The following NEDD1 variants were observed in gnomAD, a reference collection of about 807,000 sequenced individuals.
The protein encoded by NEDD1 is protein NEDD1.
NEDD1 carries 33 observed loss-of-function variants against 74.0 expected under a neutral mutation model. That is an observed-to-expected ratio of 0.45 (90% confidence interval 0.34 to 0.60). The LOEUF is 0.60. Among genes scored for constraint, NEDD1 ranks in the 20% least tolerant of loss-of-function variants. NEDD1 has a pLI of 0.01. For synonymous variants in NEDD1, 250 were observed against 264.4 expected (o/e 0.95, Z 0.53); for missense variants, 746 against 776.5 (o/e 0.96, Z 0.47).
chr12:96,945,243 C>G (rs980685437), intron 13 of NEDD1, among the ~76,000 whole-genome samples: 1 of 152,062 alleles, frequency 6.6e-6, no homozygotes, highest in Non-Finnish European at 1.5e-5. Flanking sequence ...ACAATCAACT[C>G]TCATATAAAT....
chr12:96,924,947 G>A (rs1875532630), intron 6 of NEDD1: 5 of 418,420 alleles, frequency 1.2e-5, no homozygotes, highest in South Asian at 8.9e-5. Context: ...TGTAAGGTTT[G>A]TTTTGTAGAT....
intron 9 of NEDD1, among the ~76,000 whole-genome samples, chr12:96,938,888 A>G (rs931374356): frequency 2.1e-4 from 32 of 152,102 alleles, no homozygotes; most frequent in Middle Eastern, 3.4e-3. Context: ...TAGTAGACTC[A>G]GTCTCAGATC....
At chr12:96,910,448 T>A (rs1408051889) in intron 3 of NEDD1, among the ~76,000 whole-genome samples, 1 of 152,194 alleles carries the variant, frequency 6.6e-6, no homozygotes, top group African/African-American at 2.4e-5. Flanking sequence ...ATAGTAAAGT[T>A]ACCTAGATTG....
At chr12:96,937,566 T>C (rs1877257096) in intron 9 of NEDD1, among the ~76,000 whole-genome samples, 173 bp downstream of exon 9, 1 of 152,160 alleles carries the variant, frequency 6.6e-6, no homozygotes, top group Admixed American at 6.6e-5. Context: ...ATAGTAACTT[T>C]GGCTATTAAT....
chr12:96,937,446 T>G, intron 9 of NEDD1, 53 bp downstream of exon 9: 3 of 1,093,338 alleles, frequency 2.7e-6, no homozygotes, highest in Non-Finnish European at 3.8e-6. Flanking sequence ...TTTTTGTTTT[T>G]TTGTTTTTGG....
At chr12:96,942,263 G>T (rs146012004) in intron 10 of NEDD1, among the ~76,000 whole-genome samples, 1 of 152,214 alleles carries the variant, frequency 6.6e-6, no homozygotes, top group Non-Finnish European at 1.5e-5. Flanking sequence ...AAGCTATTAA[G>T]TGGTATAGGC....
chr12:96,945,064 G>A (rs1878065016), intron 13 of NEDD1, among the ~76,000 whole-genome samples: 1 of 151,984 alleles, frequency 6.6e-6, no homozygotes, highest in Non-Finnish European at 1.5e-5. Flanking sequence ...GAATTATTAT[G>A]TAGGACCCTT....
chr12:96,931,339 ACTT>A (rs778624498), intron 6 of NEDD1, among the ~76,000 whole-genome samples: 8 of 152,192 alleles, frequency 5.3e-5, no homozygotes, highest in Non-Finnish European at 1.0e-4. Context: ...AAAATTTAAA[ACTT>A]CTGACAAAAA....
rs199729117 is a variant in NEDD1 at position 96,909,916 on chromosome 12, A to C, written c.136+21A>C. On this transcript the variant is annotated intron_variant, in intron 3 of 15. Transcript: ENST00000266742. Reference sequence around the variant, plus strand: ...CAATAGTATCCTTTAAAAAAAAAAAACACACACACACACACACAAACCGCT... The same window carrying C: ...CAATAGTATCCTTTAAAAAAAAAAACCACACACACACACACACAAACCGCT... The C allele has an allele frequency of 5.0e-3, 6,031 of 1,216,194 alleles. 8 individuals carry two copies. Among genetic ancestry groups the C allele is most frequent in the Admixed American group, 7.7e-3 (324 of 42,224 alleles). 75.3% of individuals were successfully genotyped at this position (1,216,194 alleles called of 1,614,324 possible).
Position 96,953,040 on chromosome 12 carries a change from A to G in NEDD1, c.*987A>G, listed in dbSNP as rs1018222452. 18 of 151,682 alleles carry G rather than the reference A, an allele frequency of 1.2e-4. No individual in the cohort carries two copies. Among genetic ancestry groups the G allele is most frequent in the East Asian group, 9.7e-4 (5 of 5,178 alleles). 9.4% of individuals were successfully genotyped at this position (151,682 alleles called of 1,614,324 possible). The stretch of plus-strand genomic sequence containing the variant: ...AAGTTATACCTCTTTGGCAATAGAT[A>G]GATGTATACATCTACCTACTATGAT... On this transcript the variant is annotated 3_prime_UTR_variant, in exon 16 of 16. Coordinates refer to ENST00000266742, the MANE Select transcript of NEDD1 (RefSeq NM_152905.4).
chr12:96,923,905 G>A (rs1025651398), intron 6 of NEDD1, among the ~76,000 whole-genome samples: 1 of 151,710 alleles, frequency 6.6e-6, no homozygotes, highest in African/African-American at 2.4e-5. Flanking sequence ...AGTCTCATAT[G>A]TCAGTCTTTT....
intron 7 of NEDD1, 93 bp downstream of exon 7, chr12:96,935,298 T>C (rs770163663): frequency 2.8e-4 from 205 of 737,256 alleles, no homozygotes; most frequent in Non-Finnish European, 4.5e-4. Context: ...CTCTGATTAG[T>C]GTCCAGGGGT....
chr12:96,951,892 C>G, intron 15 of NEDD1, 57 bp from the exon 16 acceptor site: 1 of 905,188 alleles, frequency 1.1e-6, no homozygotes, highest in Admixed American at 1.9e-5. Flanking sequence ...TTAAACATAG[C>G]CTGCCAAATA....
chr12:96,946,979 G>C (rs961203948), intron 14 of NEDD1, among the ~76,000 whole-genome samples: 3 of 152,024 alleles, frequency 2.0e-5, no homozygotes, highest in African/African-American at 7.3e-5. Context: ...CTTGATAGCC[G>C]CAATCCTTCT....
In NEDD1 at chr12:96,909,754, G is replaced by T. The variant is rs201249479; in HGVS notation, c.-6G>T. The T allele has an allele frequency of 8.7e-5, 140 of 1,607,268 alleles. No homozygotes were observed. Among genetic ancestry groups the T allele is most frequent in the Non-Finnish European group, 1.1e-4 (133 of 1,176,120 alleles). On this transcript the variant is annotated splice_region_variant and 5_prime_UTR_variant, in exon 3 of 16. Coordinates refer to ENST00000266742, the MANE Select transcript of NEDD1 (RefSeq NM_152905.4). ...ACATTGTTTTAAACTATTTGTAGGCGCAGTCATGCAGGAAAACCTCAGATT... is the reference window on the plus strand; with the variant it reads ...ACATTGTTTTAAACTATTTGTAGGCTCAGTCATGCAGGAAAACCTCAGATT...
chr12:96,910,934 G>A lies in NEDD1; in HGVS notation c.136+1039G>A, dbSNP rs76436327. ...AAGCTTTAAAATGTGACTGGTTCAG[G>A]AACAAAAATATTAAAAGTTTTATAT... is the stretch of plus-strand genomic sequence containing the variant. On this transcript the variant is annotated intron_variant, in intron 3 of 15. Coordinates refer to ENST00000266742, the MANE Select transcript of NEDD1 (RefSeq NM_152905.4). Among the ~76,000 whole-genome samples the A allele has an allele frequency of 6.3e-4, 96 of 152,182 alleles. No homozygotes were observed. The East Asian group carries it at 0.017, about 27-fold the overall frequency.
intron 6 of NEDD1, among the ~76,000 whole-genome samples, chr12:96,921,924 G>A (rs1392448789): frequency 6.6e-6 from 1 of 152,012 alleles, no homozygotes; most frequent in African/African-American, 2.4e-5. Flanking sequence ...CTGGGAGAGG[G>A]ATGTTTTACA....
intron 1 of NEDD1, 49 bp from the exon 2 acceptor site, chr12:96,907,555 A>C (rs1427309505): frequency 3.3e-6 from 5 of 1,529,206 alleles, no homozygotes; most frequent in Non-Finnish European, 4.4e-6. Context: ...CCTCGTCTCC[A>C]CAAGTCTGTC....
chr12:96,937,069 T>G, intron 8 of NEDD1, 129 bp from the exon 9 acceptor site: 1 of 539,144 alleles, frequency 1.9e-6, no homozygotes, highest in Non-Finnish European at 3.0e-6. Flanking sequence ...GAAACTCAGG[T>G]CTGCCAGCAA....
Sources: gnomAD v4.1 joint callset for allele counts (sites outside exome capture counted in the v4.1 genomes callset) on GRCh38, gnomAD v4.1.1 for gene constraint, MANE v1.5 for transcripts, NCBI Gene and HGNC (gene_info 2026-07-23, HGNC 2026-07-21) for gene names.